The following STS variants were observed in gnomAD, a reference collection of about 807,000 sequenced individuals.
STS encodes steryl-sulfatase.
A neutral mutation model predicts 26.8 loss-of-function variants in STS; 7 were observed. The observed-to-expected ratio is 0.26, with a 90% CI of 0.15 to 0.49. STS has a LOEUF of 0.49. STS is among the 20% of genes least tolerant of loss of function. STS has a pLI of 0.98. For synonymous variants in STS, 199 were observed against 189.4 expected, an observed-to-expected ratio of 1.05 and a Z score of -0.42; for missense variants, 434 against 465.6, an observed-to-expected ratio of 0.93 and a Z score of 0.63.
Position 7,260,126 on chromosome X carries a change from C to T in STS, c.806+354C>T, listed in dbSNP as rs975373116. ...TCTTGACCTCGTGATCCGCCCGCCT[C>T]GGCCTCCCAAAGTGCTGGGATTACA... On this transcript the variant is annotated intron_variant, in intron 6 of 10. Transcript: ENST00000674429. 4.5e-5 allele frequency among the ~76,000 whole-genome samples: 5 copies of T among 112,318 alleles called. No individual in the cohort carries two copies. In the South Asian group the frequency reaches 1.5e-3, roughly 33 times the overall value.
chrX:7,188,307 C>A (rs747621256), intron 1 of STS, among the ~76,000 whole-genome samples: 40 of 111,420 alleles, frequency 3.6e-4, no homozygotes, highest in Middle Eastern at 4.6e-3. Flanking sequence ...GAAGACCATG[C>A]TTTGTTGATT....
chrX:7,202,425 C>T (rs1309551425), intron 2 of STS, among the ~76,000 whole-genome samples: 1 of 111,388 alleles, frequency 9.0e-6, no homozygotes, highest in African/African-American at 3.3e-5. Flanking sequence ...AATTTTACCT[C>T]ATGGTATTTA....
chrX:7,329,507 A>G (rs1170817778), intron 9 of STS, among the ~76,000 whole-genome samples: 1 of 112,588 alleles, frequency 8.9e-6, no homozygotes, highest in Non-Finnish European at 1.9e-5. Flanking sequence ...CCATCTATAA[A>G]TGTGATACAC....
chrX:7,159,757 G>A (rs910453665), intron 1 of STS, among the ~76,000 whole-genome samples: 1 of 112,502 alleles, frequency 8.9e-6, no homozygotes, highest in Non-Finnish European at 1.9e-5. Context: ...TTCCCTCTGA[G>A]TGATGTTAAA....
chrX:7,309,528 G>A (rs1261262345), intron 8 of STS, among the ~76,000 whole-genome samples: 1 of 109,826 alleles, frequency 9.1e-6, no homozygotes, highest in African/African-American at 3.3e-5. Flanking sequence ...CAACCTTCAC[G>A]TGAATCCTCA....
intron 2 of STS, among the ~76,000 whole-genome samples, chrX:7,228,531 G>A (rs540754579): frequency 3.6e-5 from 4 of 111,958 alleles, no homozygotes; most frequent in African/African-American, 9.7e-5. Flanking sequence ...TGTGTTCTTC[G>A]GAGAAATGTC....
chrX:7,247,085 C>T (rs1427373889), intron 2 of STS, among the ~76,000 whole-genome samples: 8 of 111,954 alleles, frequency 7.1e-5, no homozygotes, highest in African/African-American at 2.0e-4. Flanking sequence ...AAACATTTTC[C>T]TCTATCATAG....
chrX:7,160,548 C>T (rs1476596473), intron 1 of STS, among the ~76,000 whole-genome samples: 1 of 111,782 alleles, frequency 8.9e-6, no homozygotes, highest in Non-Finnish European at 1.9e-5. Flanking sequence ...AGGAAATGAG[C>T]AAAGGAAGTG....
intron 2 of STS, among the ~76,000 whole-genome samples, chrX:7,215,755 C>T (rs1921284536): frequency 9.0e-6 from 1 of 111,583 alleles, no homozygotes; most frequent in African/African-American, 3.3e-5. Flanking sequence ...AGGATTGCAC[C>T]CTGCACTCCT....
intron 7 of STS, among the ~76,000 whole-genome samples, chrX:7,281,441 A>C (rs755641658): frequency 6.3e-5 from 7 of 111,684 alleles, no homozygotes; most frequent in Non-Finnish European, 1.1e-4. Context: ...GGACATTGCT[A>C]TCGTACCCTC....
chrX:7,279,794 C>T (rs180747128), intron 7 of STS, among the ~76,000 whole-genome samples: 5 of 110,480 alleles, frequency 4.5e-5, no homozygotes, highest in African/African-American at 1.3e-4. Flanking sequence ...GAGGCTTCTT[C>T]GGTTTAGCAT....
chrX:7,188,322 G>T (rs1270765294), intron 1 of STS, among the ~76,000 whole-genome samples: 1 of 111,313 alleles, frequency 9.0e-6, no homozygotes, highest in Non-Finnish European at 1.9e-5. Flanking sequence ...TTGATTGAGG[G>T]CGGGCACTGG....
intron 1 of STS, among the ~76,000 whole-genome samples, chrX:7,161,343 G>T (rs773877359): frequency 1.7e-4 from 19 of 111,935 alleles, no homozygotes; most frequent in Non-Finnish European, 2.3e-4. Flanking sequence ...CAGTATACTT[G>T]TGTATGTAAG....
At chrX:7,301,156 G>A (rs1307361193) in intron 7 of STS, among the ~76,000 whole-genome samples, 2 of 110,272 alleles carry the variant, frequency 1.8e-5, no homozygotes, top group Non-Finnish European at 1.9e-5. Flanking sequence ...AGGAGGCTGA[G>A]GCAAGGGGAT....
At chrX:7,285,993 A>C (rs1159264962) in intron 7 of STS, among the ~76,000 whole-genome samples, 12 of 111,852 alleles carry the variant, frequency 1.1e-4, no homozygotes, top group Middle Eastern at 4.6e-3. Flanking sequence ...CCTCTCATTT[A>C]TGAATCCCAA....
intron 9 of STS, among the ~76,000 whole-genome samples, chrX:7,327,487 G>A (rs748933267): frequency 9.3e-6 from 1 of 107,910 alleles, no homozygotes; most frequent in Non-Finnish European, 1.9e-5. Context: ...AAGCTCAAGC[G>A]ATCCTCCCAC....
At chrX:7,149,048 T>C (rs1365488998) in intron 1 of STS, among the ~76,000 whole-genome samples, 4 of 111,228 alleles carry the variant, frequency 3.6e-5, no homozygotes, top group Non-Finnish European at 7.5e-5. Flanking sequence ...AGGAAAAGGA[T>C]TGGACCTTTT....
chrX:7,195,006 A>C (rs1440840773), intron 2 of STS, among the ~76,000 whole-genome samples: 1 of 111,964 alleles, frequency 8.9e-6, no homozygotes, highest in African/African-American at 3.3e-5. Flanking sequence ...GTATCTAAAC[A>C]TGTCTAAACA....
chrX:7,232,242 C>T (rs1208934995), intron 2 of STS, among the ~76,000 whole-genome samples: 1 of 112,036 alleles, frequency 8.9e-6, no homozygotes, highest in African/African-American at 3.2e-5. Flanking sequence ...ATGGAGTCGT[C>T]CCCAAAAGCA....
Sources: allele counts gnomAD v4.1 joint callset (sites outside exome capture counted in the v4.1 genomes callset), GRCh38; gene constraint gnomAD v4.1.1; transcripts MANE v1.5; gene names NCBI Gene and HGNC (gene_info 2026-07-23, HGNC 2026-07-21).